The following PBRM1 variants were observed in gnomAD, a reference collection of about 807,000 sequenced individuals.
The protein encoded by PBRM1 is polybromo 1, also known as protein polybromo-1.
Under a neutral mutation model 194.5 loss-of-function variants are expected in PBRM1, and 27 were observed. The observed-to-expected ratio is 0.14, with a 90% CI of 0.10 to 0.19. PBRM1 has a LOEUF of 0.19. PBRM1 is among the 10% of genes least tolerant of loss of function. The probability of loss-of-function intolerance (pLI) is 1.00; values close to 1 mark genes in which losing one functional copy is unlikely to be tolerated. For synonymous variants in PBRM1, 655 were observed against 693.2 expected, an observed-to-expected ratio of 0.94 and a Z score of 0.87; for missense variants, 1,466 against 2,077.2, an observed-to-expected ratio of 0.71 and a Z score of 5.72.
intron 5 of PBRM1, among the ~76,000 whole-genome samples, chr3:52,657,521 G>A (rs536836984): frequency 2.5e-4 from 38 of 152,228 alleles, no homozygotes; most frequent in Admixed American, 4.6e-4. Context: ...CCAGGCTGGA[G>A]TGCAACGGCA....
intron 4 of PBRM1, among the ~76,000 whole-genome samples, chr3:52,658,561 A>T (rs1245508251): frequency 6.6e-6 from 1 of 151,876 alleles, no homozygotes; most frequent in African/African-American, 2.4e-5. Flanking sequence ...GGCCCAGCTA[A>T]ATTTTATTTT....
Position 52,668,414 on chromosome 3 carries a change from C to G in PBRM1, c.384+84G>C, listed in dbSNP as rs2096882328. On this transcript the variant is annotated intron_variant, in intron 3 of 29. Transcript: ENST00000296302. Reference sequence around the variant, plus strand: ...GCCACAAAAAGAAACTACTACTCACCTGCCAGGTTTATAAATATTAAGAAG... The same window carrying G: ...GCCACAAAAAGAAACTACTACTCACGTGCCAGGTTTATAAATATTAAGAAG... The G allele has an allele frequency of 4.1e-6, 4 of 964,482 alleles. No homozygotes were observed. In the South Asian group the frequency reaches 6.7e-5, roughly 16 times the overall value. 59.7% of individuals were successfully genotyped at this position (964,482 alleles called of 1,614,324 possible).
chr3:52,651,099 G>A lies in PBRM1; in HGVS notation c.714+643C>T, dbSNP rs2096481032. On this transcript the variant is annotated intron_variant, in intron 6 of 29. Transcript: ENST00000296302. ...TTCAGTTTTCTAACTTGTAAAATGG[G>A]AATAATAACAATACTACTCTGTGGA... 2.0e-5 allele frequency among the ~76,000 whole-genome samples: 3 copies of A among 152,066 alleles called. No individual in the cohort carries two copies. In the South Asian group the frequency reaches 6.2e-4, roughly 32 times the overall value.
intron 1 of PBRM1, chr3:52,685,382 C>A (rs1866268): frequency 0.45 from 68,588 of 151,078 alleles, 15,874 homozygotes; most frequent in African/African-American, 0.52. Context: ...GTCAAGAAAC[C>A]ACAACAAAAA....
upstream of PBRM1, chr3:52,682,337 T>C (rs1352964253): frequency 6.9e-6 from 1 of 145,944 alleles, no homozygotes; most frequent in Non-Finnish European, 1.5e-5. Flanking sequence ...AAAAGTCCTA[T>C]CTGCATTGGA....
Position 52,615,526 on chromosome 3 carries a change from A to G in PBRM1, c.1819-70T>C, listed in dbSNP as rs2094906906. 3.1e-6 allele frequency: 3 copies of G among 974,688 alleles called. No homozygotes were observed. In the East Asian group the frequency reaches 7.3e-5, roughly 24 times the overall value. 60.4% of individuals were successfully genotyped at this position (974,688 alleles called of 1,614,324 possible). A position where few individuals can be genotyped will look rare whatever the true frequency, so the allele number is the denominator to read the frequency against. ...ATTAAGGTATAAAATGCATCCATAA[A>G]GAAGTTTTAAAAAGACAGTTTATGA... is the stretch of plus-strand genomic sequence containing the variant. On this transcript the variant is annotated intron_variant, in intron 14 of 29. Transcript: ENST00000296302.
chr3:52,673,585 T>C (rs1055118364), intron 2 of PBRM1, among the ~76,000 whole-genome samples: 17 of 148,786 alleles, frequency 1.1e-4, no homozygotes, highest in Admixed American at 4.0e-4. Context: ...GGCAGGACAA[T>C]TGCTTGAACC....
At chr3:52,622,693 C>A (rs1285678948) in intron 13 of PBRM1, among the ~76,000 whole-genome samples, 1 of 152,182 alleles carries the variant, frequency 6.6e-6, no homozygotes, top group Non-Finnish European at 1.5e-5. Context: ...CTCCCCCTGG[C>A]TGATCAGCAA....
At chr3:52,622,579 C>A (rs1560461202) in intron 13 of PBRM1, among the ~76,000 whole-genome samples, 2 of 152,216 alleles carry the variant, frequency 1.3e-5, no homozygotes, top group Non-Finnish European at 1.5e-5. Flanking sequence ...AGGCTCTATT[C>A]TGAATCCCTG....
At chr3:52,594,458 A>C (rs1280592000) in intron 17 of PBRM1, among the ~76,000 whole-genome samples, 1 of 151,956 alleles carries the variant, frequency 6.6e-6, no homozygotes, top group Non-Finnish European at 1.5e-5. Context: ...TTTTGAGCTT[A>C]TGGGTGTCAT....
chr3:52,595,130 G>A (rs145128919), intron 17 of PBRM1, among the ~76,000 whole-genome samples: 4 of 152,282 alleles, frequency 2.6e-5, no homozygotes, highest in East Asian at 3.9e-4. Context: ...CAGAGTTCTT[G>A]TGCTGGTTCT....
chr3:52,634,542 A>G, intron 11 of PBRM1, 60 bp downstream of exon 12: 1 of 1,096,026 alleles, frequency 9.1e-7, no homozygotes, highest in Non-Finnish European at 1.4e-6. Flanking sequence ...GAAATACATT[A>G]TGTGCAGGCT....
In PBRM1 at chr3:52,594,894, GC is replaced by G. The variant is rs151048372; in HGVS notation, c.2780-5640del. 4.6e-3 allele frequency among the ~76,000 whole-genome samples: 694 copies of G among 152,220 alleles called. 4 individuals carry two copies. Among genetic ancestry groups the G allele is most frequent in the African/African-American group, 0.016 (649 of 41,536 alleles). On this transcript the variant is annotated intron_variant, in intron 17 of 29. Transcript: ENST00000296302. The stretch of plus-strand genomic sequence containing the variant: ...TTTTCCTTAAGAATGTTGAATATAG[GC>G]CCCCAATCTCTTCTTGGCTTGCAGC...
At chr3:52,554,132 C>T (rs907045465) in intron 27 of PBRM1, among the ~76,000 whole-genome samples, 1 of 152,210 alleles carries the variant, frequency 6.6e-6, no homozygotes, top group African/African-American at 2.4e-5. Context: ...ACATACAGAA[C>T]ACTAATTCAG....
intron 5 of PBRM1, among the ~76,000 whole-genome samples, chr3:52,657,046 T>C (rs182754188): frequency 1.2e-4 from 19 of 152,318 alleles, no homozygotes; most frequent in African/African-American, 4.1e-4. Context: ...AAATAAGCAG[T>C]CACAGGACAA....
chr3:52,624,943 T>C lies in PBRM1; in HGVS notation c.1541+2330A>G, dbSNP rs766165394. The C allele has an allele frequency of 2.7e-5, 42 of 1,546,932 alleles. No homozygotes were observed. The East Asian group carries it at 1.0e-3, about 37-fold the overall frequency. ...AACATCTCACTGTCATGAGTGTTCC[T>C]GGGAAAGCAGAAACAAACATTACAT... On this transcript the variant is annotated intron_variant, in intron 13 of 29. Coordinates refer to ENST00000296302, the Ensembl canonical transcript of PBRM1.
intron 5 of PBRM1, among the ~76,000 whole-genome samples, chr3:52,652,131 C>G (rs2096512264): frequency 6.6e-6 from 1 of 152,194 alleles, no homozygotes; most frequent in African/African-American, 2.4e-5. Context: ...CGCCTGCAAT[C>G]CCAGCACTTT....
intron 7 of PBRM1, among the ~76,000 whole-genome samples, chr3:52,645,272 C>CTT (rs11394906): frequency 2.6e-5 from 4 of 151,434 alleles, no homozygotes; most frequent in South Asian, 4.2e-4. Context: ...GCAGAAACTT[C>CTT]TTTTTTTTCC....
intron 12 of PBRM1, 137 bp from the exon 14 acceptor site, chr3:52,627,507 A>G (rs1335610148): frequency 1.7e-6 from 1 of 592,674 alleles, no homozygotes; most frequent in Non-Finnish European, 3.0e-6. Flanking sequence ...TGAAAGAGTC[A>G]TTAAACATTT....
Sources: gnomAD v4.1 joint callset for allele counts (sites outside exome capture counted in the v4.1 genomes callset) on GRCh38, gnomAD v4.1.1 for gene constraint, MANE v1.5 for transcripts, NCBI Gene and HGNC (gene_info 2026-07-23, HGNC 2026-07-21) for gene names.